TEK: variants seen among roughly 807,000 people sequenced by gnomAD.
TEK encodes the protein angiopoietin-1 receptor.
Under a neutral mutation model 131.8 loss-of-function variants are expected in TEK, and 43 were observed. The observed-to-expected ratio is 0.33, with a 90% CI of 0.26 to 0.42. The LOEUF is 0.42. Ranked by LOEUF, TEK falls within the 10% of genes least tolerant of loss-of-function variation. The pLI is 1.00. For synonymous variants in TEK, 580 were observed against 491.6 expected, an observed-to-expected ratio of 1.18 and a Z score of -2.38; for missense variants, 1,162 against 1,384.4, an observed-to-expected ratio of 0.84 and a Z score of 2.55.
rs1298521223 is a variant in TEK, at chr9:27,210,431, T to C, written c.2686+1200T>C. 4.0e-5 allele frequency: 8 copies of C among 198,332 alleles called. No homozygotes were observed. The East Asian group carries it at 8.6e-4, about 21-fold the overall frequency. The allele number at this position is 198,332 out of a possible 1,614,324, so 12.3% of individuals were successfully genotyped here. A position where few individuals can be genotyped will look rare whatever the true frequency, so the allele number is the denominator to read the frequency against. On this transcript the variant is annotated intron_variant, in intron 16 of 22. Coordinates refer to ENST00000380036, the MANE Select transcript of TEK (RefSeq NM_000459.5). ...TGGATGCCCAGGGAAAGTGGTGTTA[T>C]GACAGGAAGCCAAGTGGCCGTGGTG...
At chr9:27,116,924 C>T (rs1315165131) in intron 1 of TEK, among the ~76,000 whole-genome samples, 6 of 142,282 alleles carry the variant, frequency 4.2e-5, no homozygotes, top group African/African-American at 1.1e-4. Flanking sequence ...TGCAGTGGTG[C>T]GATCTCGGCT....
At chr9:27,139,147 A>G (rs1822620497) in intron 1 of TEK, among the ~76,000 whole-genome samples, 1 of 141,972 alleles carries the variant, frequency 7.0e-6, no homozygotes, top group Admixed American at 7.2e-5. Flanking sequence ...TGGGAGGCGG[A>G]GCTTGCAGTG....
intron 11 of TEK, chr9:27,195,810 T>C (rs1205855863): frequency 2.4e-6 from 1 of 419,566 alleles, no homozygotes; most frequent in Non-Finnish European, 4.7e-6. Flanking sequence ...TTTAATTTTA[T>C]TTTACAGGTG....
intron 12 of TEK, among the ~76,000 whole-genome samples, chr9:27,202,146 G>A (rs951133812): frequency 2.0e-5 from 3 of 152,132 alleles, no homozygotes; most frequent in Non-Finnish European, 4.4e-5. Flanking sequence ...AAACCTCAAG[G>A]CATCTCTTTC....
Position 27,211,849 on chromosome 9 carries a change from T to C in TEK, c.2687-858T>C, listed in dbSNP as rs141111632. Among the ~76,000 whole-genome samples the C allele has an allele frequency of 2.9e-3, 393 of 133,828 alleles. 3 individuals are homozygous for C. The highest frequency in any genetic ancestry group is 0.011 in the African/African-American group (363 of 32,632). The allele number at this position is 133,828 out of a possible 152,430, so 87.8% of individuals were successfully genotyped here. A position where few individuals can be genotyped will look rare whatever the true frequency, so the allele number is the denominator to read the frequency against. The stretch of plus-strand genomic sequence containing the variant: ...CTTTAAAAAAAACCAGTAAAATAAC[T>C]TTAACTTTACATTTTTAGTAGGTAT... On this transcript the variant is annotated intron_variant, in intron 16 of 22. Transcript: ENST00000380036.
chr9:27,145,059 T>TTTGGG (rs1822864559), intron 1 of TEK, among the ~76,000 whole-genome samples: 1 of 152,144 alleles, frequency 6.6e-6, no homozygotes, highest in South Asian at 2.1e-4. Flanking sequence ...ATGTGGGCTC[T>TTTGGG]TTGGGTTAGG....
chr9:27,228,565 C>T (rs1251245100), intron 22 of TEK, among the ~76,000 whole-genome samples: 3 of 152,024 alleles, frequency 2.0e-5, no homozygotes, highest in East Asian at 1.9e-4. Context: ...AAGGAATTTT[C>T]GTCATATAGC....
At chr9:27,211,836 C>A (rs1448722208) in intron 16 of TEK, among the ~76,000 whole-genome samples, 2 of 143,758 alleles carry the variant, frequency 1.4e-5, no homozygotes, top group East Asian at 2.2e-4. Context: ...TTAAAAAAAA[C>A]CAGTAAAATA....
intron 22 of TEK, 35 bp from the exon 23 acceptor site, chr9:27,229,123 C>A: frequency 2.5e-6 from 4 of 1,601,914 alleles, no homozygotes; most frequent in Non-Finnish European, 3.4e-6. Flanking sequence ...GGAATCAAAG[C>A]AGCCTATGTC....
chr9:27,126,010 C>A (rs973145764), intron 1 of TEK, among the ~76,000 whole-genome samples: 1 of 152,158 alleles, frequency 6.6e-6, no homozygotes, highest in Non-Finnish European at 1.5e-5. Context: ...GGGGTCACAG[C>A]TAGACATGCA....
At chr9:27,160,136 C>T (rs532947942) in intron 2 of TEK, among the ~76,000 whole-genome samples, 1 of 151,198 alleles carries the variant, frequency 6.6e-6, no homozygotes, top group African/African-American at 2.4e-5. Flanking sequence ...TGTTCTCCCA[C>T]CTCAGCCTCC....
chr9:27,154,376 C>T (rs1366294273), intron 1 of TEK, among the ~76,000 whole-genome samples: 4 of 152,164 alleles, frequency 2.6e-5, no homozygotes, highest in Non-Finnish European at 5.9e-5. Context: ...CATGAGCCAC[C>T]GCGCCCAGCC....
At chr9:27,224,227 T>C (rs188340765) in intron 21 of TEK, among the ~76,000 whole-genome samples, 6 of 150,274 alleles carry the variant, frequency 4.0e-5, no homozygotes, top group East Asian at 2.0e-4. Context: ...TTCCAAACAA[T>C]AGAAAAAGAG....
At chr9:27,182,105 G>T (rs998683979) in intron 7 of TEK, among the ~76,000 whole-genome samples, 7 of 152,176 alleles carry the variant, frequency 4.6e-5, no homozygotes, top group Non-Finnish European at 1.5e-5. Context: ...TGTATTGAAC[G>T]TGGGCAGCTA....
At chr9:27,212,683 C>CGATG in intron 16 of TEK, 24 bp from the exon 17 acceptor site, 1 of 1,613,342 alleles carries the variant, frequency 6.2e-7, no homozygotes, top group South Asian at 1.1e-5. Context: ...ACTGATGAGT[C>CGATG]GATGCTCTCT....
rs1168331105 is a variant in TEK at position 27,203,021 on chromosome 9, C to T, written c.2111C>T (p.Pro704Leu). ...CAGTATCAGCTCAAGGGCCTAGAGC[C>T]TGAAACAGCATACCAGGTGGACATT... ...ITQYQLKGLEPETAYQVDIFA... is the reference protein window; with the variant it reads ...ITQYQLKGLELETAYQVDIFA... The change falls in exon 13 of 23, where the codon CCT (proline) becomes CTT (leucine). Residue 704 changes from proline to leucine, a missense_variant. Pro to Leu is a moderately conservative substitution (Grantham distance 98, BLOSUM62 -3). This residue lies in a region of TEK where 477 missense variants were observed against 471.0 expected (regional missense o/e 1.01). Transcript: ENST00000380036. 2 of 1,613,952 alleles carry T rather than the reference C, an allele frequency of 1.2e-6. No homozygotes were observed. Among genetic ancestry groups the T allele is most frequent in the African/African-American group, 2.7e-5 (2 of 74,906 alleles).
At chr9:27,150,668 A>T (rs1823092036) in intron 1 of TEK, among the ~76,000 whole-genome samples, 1 of 152,118 alleles carries the variant, frequency 6.6e-6, no homozygotes, top group Non-Finnish European at 1.5e-5. Flanking sequence ...TTCCGGTGTA[A>T]ACAATCCTTG....
intron 2 of TEK, among the ~76,000 whole-genome samples, chr9:27,164,415 G>GTTCACGCCATTCTCCTGCC (rs1823653211): frequency 1.3e-5 from 2 of 151,684 alleles, no homozygotes; most frequent in South Asian, 4.2e-4. Context: ...CGCCTCCTGG[G>GTTCACGCCATTCTCCTGCC]TTCACGCCAT....
intron 18 of TEK, among the ~76,000 whole-genome samples, chr9:27,215,089 A>T (rs1276172505): frequency 6.6e-6 from 1 of 152,114 alleles, no homozygotes; most frequent in East Asian, 1.9e-4. Flanking sequence ...AGGTGGAGGG[A>T]TAACACAGGA....
Sources: allele counts gnomAD v4.1 joint callset (sites outside exome capture counted in the v4.1 genomes callset), GRCh38; gene constraint gnomAD v4.1.1; regional missense constraint gnomAD v4.1.1; transcripts MANE v1.5; gene names NCBI Gene and HGNC (gene_info 2026-07-23, HGNC 2026-07-21).